Variants in CADM1 observed in about 807,000 individuals in gnomAD.
CADM1 encodes the protein TSLC-1.
A neutral mutation model predicts 53.1 loss-of-function variants in CADM1; 15 were observed. The ratio of observed to expected loss-of-function variants is 0.28; its 90% CI spans 0.19 to 0.44. The LOEUF is 0.44. Ranked by LOEUF, CADM1 falls within the 20% of genes least tolerant of loss-of-function variation. The pLI, the probability that CADM1 is intolerant of heterozygous loss-of-function variation, is 1.00. For synonymous variants in CADM1, 281 were observed against 243.0 expected (o/e 1.16, Z -1.45); for missense variants, 434 against 611.3 (o/e 0.71, Z 3.06).
chr11:115,442,175 A>C (rs1948329410), intron 1 of CADM1, among the ~76,000 whole-genome samples: 1 of 152,006 alleles, frequency 6.6e-6, no homozygotes, highest in African/African-American at 2.4e-5. Context: ...GGATGGTGAC[A>C]AACAAGGATT....
At chr11:115,240,023 T>G (rs956883362) in intron 2 of CADM1, among the ~76,000 whole-genome samples, 2 of 152,190 alleles carry the variant, frequency 1.3e-5, no homozygotes, top group Non-Finnish European at 2.9e-5. Context: ...GGGACTCGAT[T>G]GCAATTCACC....
At chr11:115,215,085 C>G (rs1484260282) in intron 6 of CADM1, among the ~76,000 whole-genome samples, 1 of 152,096 alleles carries the variant, frequency 6.6e-6, no homozygotes, top group African/African-American at 2.4e-5. Flanking sequence ...GGTTTCACAC[C>G]AACTCAGGCA....
chr11:115,296,210 C>A (rs1396953873), intron 1 of CADM1, among the ~76,000 whole-genome samples: 1 of 152,166 alleles, frequency 6.6e-6, no homozygotes, highest in Non-Finnish European at 1.5e-5. Flanking sequence ...CTCAGACTCC[C>A]AAAATGCTGG....
At chr11:115,497,764 C>T (rs1478589152) in intron 1 of CADM1, among the ~76,000 whole-genome samples, 10 of 152,146 alleles carry the variant, frequency 6.6e-5, no homozygotes, top group African/African-American at 2.2e-4. Flanking sequence ...CTCCCCAAAT[C>T]GTGAATGTAG....
At chr11:115,411,838 T>C (rs1246706817) in intron 1 of CADM1, among the ~76,000 whole-genome samples, 1 of 152,064 alleles carries the variant, frequency 6.6e-6, no homozygotes, top group Non-Finnish European at 1.5e-5. Flanking sequence ...CAGAGTTTGA[T>C]AAAAACAAAT....
chr11:115,226,823 G>C (rs969508629), intron 5 of CADM1, among the ~76,000 whole-genome samples: 33 of 152,274 alleles, frequency 2.2e-4, no homozygotes, highest in African/African-American at 7.2e-4. Flanking sequence ...AAGCTGGTAG[G>C]AAATGATGTA....
At chr11:115,242,395 C>G (rs1009519986) in intron 1 of CADM1, among the ~76,000 whole-genome samples, 3 of 146,008 alleles carry the variant, frequency 2.1e-5, no homozygotes, top group Non-Finnish European at 3.0e-5. Context: ...ATTACTGTGA[C>G]AAACACAGAA....
At chr11:115,425,688 A>G (rs1250089948) in intron 1 of CADM1, among the ~76,000 whole-genome samples, 1 of 152,190 alleles carries the variant, frequency 6.6e-6, no homozygotes, top group Non-Finnish European at 1.5e-5. Flanking sequence ...GAGTTTCTAA[A>G]AGATAAGCCA....
At chr11:115,183,837 C>T (rs45594631) in intron 10 of CADM1, among the ~76,000 whole-genome samples, 8 of 152,118 alleles carry the variant, frequency 5.3e-5, no homozygotes, top group Non-Finnish European at 1.0e-4. Flanking sequence ...GAGGTTCTAA[C>T]GGTATTAGTC....
At chr11:115,494,581 T>C (rs1446171925) in intron 1 of CADM1, among the ~76,000 whole-genome samples, 2 of 152,176 alleles carry the variant, frequency 1.3e-5, no homozygotes, top group Non-Finnish European at 2.9e-5. Context: ...GATCTTGCTG[T>C]CACGGTGTTC....
At chr11:115,482,504 A>G (rs1490011601) in intron 1 of CADM1, among the ~76,000 whole-genome samples, 3 of 152,228 alleles carry the variant, frequency 2.0e-5, no homozygotes, top group Non-Finnish European at 4.4e-5. Context: ...ATTTAGTCAC[A>G]TTAATTTTAA....
intron 1 of CADM1, among the ~76,000 whole-genome samples, chr11:115,436,947 G>C (rs1478487305): frequency 6.6e-6 from 1 of 152,196 alleles, no homozygotes; most frequent in Non-Finnish European, 1.5e-5. Flanking sequence ...AAGCTGACAA[G>C]AGTAAAGTGA....
intron 1 of CADM1, among the ~76,000 whole-genome samples, chr11:115,258,697 GAT>G (rs1214261037): frequency 6.6e-6 from 1 of 152,190 alleles, no homozygotes; most frequent in African/African-American, 2.4e-5. Context: ...AGATCAATAA[GAT>G]ATCTGAGTTC....
At chr11:115,372,350 T>C (rs1052518130) in intron 1 of CADM1, among the ~76,000 whole-genome samples, 4 of 152,182 alleles carry the variant, frequency 2.6e-5, no homozygotes, top group African/African-American at 7.2e-5. Flanking sequence ...TATTGTACTT[T>C]TGGAAGCAAC....
intron 1 of CADM1, among the ~76,000 whole-genome samples, chr11:115,320,874 A>T (rs1213728839): frequency 6.6e-6 from 1 of 152,106 alleles, no homozygotes; most frequent in Non-Finnish European, 1.5e-5. Context: ...TCCTGTTAAA[A>T]TATTATTTTT....
intron 1 of CADM1, chr11:115,363,767 A>G (rs758645736): frequency 5.3e-5 from 8 of 152,194 alleles, no homozygotes; most frequent in South Asian, 4.1e-4. Context: ...GTGTGTTCTT[A>G]TAATTTTAAA....
intron 1 of CADM1, among the ~76,000 whole-genome samples, chr11:115,264,940 C>T (rs1050052477): frequency 1.3e-5 from 2 of 152,038 alleles, no homozygotes; most frequent in East Asian, 3.9e-4. Context: ...AACAAGGGTG[C>T]CATGAAGGTA....
In CADM1 at chr11:115,453,965, A is replaced by G. The variant is rs55887602; in HGVS notation, c.124+50306T>C. 6.5e-3 allele frequency among the ~76,000 whole-genome samples: 991 copies of G among 151,914 alleles called. 5 individuals are homozygous for G. The highest frequency in any genetic ancestry group is 0.01 in the Non-Finnish European group (681 of 67,982). On this transcript the variant is annotated intron_variant, in intron 1 of 11. Coordinates refer to ENST00000331581, the MANE Select transcript of CADM1 (RefSeq NM_001301043.2). Reference sequence around the variant, plus strand: ...TCCTTCTAGGTCTAGAAGGTCCTCCATTTGCTTTATGCCTTATCATTTGAC... The same window carrying G: ...TCCTTCTAGGTCTAGAAGGTCCTCCGTTTGCTTTATGCCTTATCATTTGAC...
At chr11:115,221,467 C>T (rs978980253) in intron 5 of CADM1, among the ~76,000 whole-genome samples, 2 of 152,130 alleles carry the variant, frequency 1.3e-5, no homozygotes, top group Non-Finnish European at 2.9e-5. Flanking sequence ...ATTAGAAAGA[C>T]ATTCTGATTT....
Sources: allele counts gnomAD v4.1 joint callset (sites outside exome capture counted in the v4.1 genomes callset), GRCh38; gene constraint gnomAD v4.1.1; transcripts MANE v1.5; gene names NCBI Gene and HGNC (gene_info 2026-07-23, HGNC 2026-07-21).